Variants in CNTNAP2 observed in about 807,000 individuals in gnomAD.
CNTNAP2 encodes the protein contactin-associated protein-like 2.
CNTNAP2 carries 98 observed loss-of-function variants against 155.2 expected under a neutral mutation model. The observed-to-expected ratio is 0.63, with a 90% confidence interval of 0.54 to 0.75. CNTNAP2 has a LOEUF of 0.75. Among genes scored for constraint, CNTNAP2 ranks in the 30% least tolerant of loss-of-function variants. The pLI is 0.00. For synonymous variants in CNTNAP2, 651 were observed against 631.2 expected, an observed-to-expected ratio of 1.03 and a Z score of -0.47; for missense variants, 1,727 against 1,688.1, an observed-to-expected ratio of 1.02 and a Z score of -0.40.
intron 3 of CNTNAP2, among the ~76,000 whole-genome samples, chr7:146,949,301 A>G (rs538775205): frequency 3.3e-5 from 5 of 152,236 alleles, no homozygotes; most frequent in Admixed American, 6.5e-5. Context: ...CATTTCCCCT[A>G]TACGGAAACA....
rs532887990 is a variant in CNTNAP2 at position 146,679,258 on chromosome 7, A to T, written c.98-95013A>T. Among the ~76,000 whole-genome samples the T allele has an allele frequency of 9.2e-5, 14 of 151,474 alleles. No individual in the cohort carries two copies. In the East Asian group the frequency reaches 2.7e-3, roughly 30 times the overall value. ...TCCACTTACAAGTGAGAACAGAGGC[A>T]GTGTTTGGTTTTCTGTTCTTGTATT... On this transcript the variant is annotated intron_variant, in intron 1 of 23. Transcript: ENST00000361727.
At chr7:146,601,086 T>G (rs1030994102) in intron 1 of CNTNAP2, among the ~76,000 whole-genome samples, 6 of 152,138 alleles carry the variant, frequency 3.9e-5, no homozygotes, top group Admixed American at 1.3e-4. Flanking sequence ...TTTCCTTTTT[T>G]AAATATATCT....
intron 8 of CNTNAP2, among the ~76,000 whole-genome samples, chr7:147,149,955 G>A (rs1301388444): frequency 2.6e-5 from 4 of 152,194 alleles, no homozygotes; most frequent in African/African-American, 9.6e-5. Flanking sequence ...AGAAAGGTAG[G>A]AATCAAGACT....
rs533312395 is a variant in CNTNAP2, at chr7:147,510,237, C to A, written c.1777+24196C>A. Among the ~76,000 whole-genome samples the A allele has an allele frequency of 7.3e-4, 111 of 152,276 alleles. 1 individual carries two copies. The highest frequency in any genetic ancestry group is 1.1e-3 in the Non-Finnish European group (77 of 68,024). On this transcript the variant is annotated intron_variant, in intron 11 of 23. Coordinates refer to ENST00000361727, the MANE Select transcript of CNTNAP2 (RefSeq NM_014141.6). The stretch of plus-strand genomic sequence containing the variant: ...TTCTCTTCTTTGACTTCAAGTTCCC[C>A]AGACTCTGAGGGCTAAAACCCAGTA...
At chr7:146,722,216 A>G (rs774733380) in intron 1 of CNTNAP2, among the ~76,000 whole-genome samples, 3 of 151,720 alleles carry the variant, frequency 2.0e-5, no homozygotes, top group Non-Finnish European at 2.9e-5. Flanking sequence ...TTAAACGATA[A>G]GGTGCTCACT....
chr7:147,698,119 A>G (rs572011154), intron 13 of CNTNAP2, among the ~76,000 whole-genome samples: 1 of 152,212 alleles, frequency 6.6e-6, no homozygotes, highest in Admixed American at 6.5e-5. Flanking sequence ...CTATCTCTCC[A>G]ATGTTGCCCT....
intron 2 of CNTNAP2, among the ~76,000 whole-genome samples, chr7:146,783,778 C>G (rs190498987): frequency 2.6e-5 from 4 of 152,194 alleles, no homozygotes; most frequent in Non-Finnish European, 4.4e-5. Flanking sequence ...TATATACATA[C>G]AAGTTTCCAT....
At chr7:147,710,555 C>A (rs556565229) in intron 13 of CNTNAP2, among the ~76,000 whole-genome samples, 79 of 152,278 alleles carry the variant, frequency 5.2e-4, no homozygotes, top group African/African-American at 1.9e-3. Flanking sequence ...TAATTTGACT[C>A]TTTTTCCCTA....
At chr7:147,184,087 C>T (rs1802518478) in intron 8 of CNTNAP2, among the ~76,000 whole-genome samples, 4 of 152,150 alleles carry the variant, frequency 2.6e-5, no homozygotes, top group African/African-American at 9.7e-5. Flanking sequence ...AGTGACTATA[C>T]TTCCCAAATG....
chr7:148,177,455 G>A (rs534843576), intron 18 of CNTNAP2, among the ~76,000 whole-genome samples: 1 of 152,338 alleles, frequency 6.6e-6, no homozygotes, highest in Non-Finnish European at 1.5e-5. Flanking sequence ...TTTCGAAGAA[G>A]CGTAGCCCTG....
At chr7:146,809,688 T>G (rs1305228281) in intron 2 of CNTNAP2, among the ~76,000 whole-genome samples, 1 of 152,186 alleles carries the variant, frequency 6.6e-6, no homozygotes, top group African/African-American at 2.4e-5. Context: ...GTAAGTCTTC[T>G]TTGAAAATGT....
intron 12 of CNTNAP2, among the ~76,000 whole-genome samples, chr7:147,620,267 A>G (rs1257109228): frequency 6.6e-6 from 1 of 152,184 alleles, no homozygotes; most frequent in Non-Finnish European, 1.5e-5. Flanking sequence ...TTTAATGCCC[A>G]GACATCCAAG....
chr7:147,110,578 AT>A (rs1181877402), intron 5 of CNTNAP2, among the ~76,000 whole-genome samples: 3 of 152,086 alleles, frequency 2.0e-5, no homozygotes, highest in Non-Finnish European at 4.4e-5. Context: ...CTATGTGTCC[AT>A]ATGTTCTCAT....
intron 11 of CNTNAP2, among the ~76,000 whole-genome samples, chr7:147,533,168 GTTGTT>G (rs1400849174): frequency 6.6e-6 from 1 of 152,120 alleles, no homozygotes; most frequent in Non-Finnish European, 1.5e-5. Flanking sequence ...GTTTGGGGAT[GTTGTT>G]TTGTTTTATT....
chr7:146,481,903 T>C (rs1166175665), intron 1 of CNTNAP2, among the ~76,000 whole-genome samples: 2 of 152,088 alleles, frequency 1.3e-5, no homozygotes, highest in South Asian at 2.1e-4. Context: ...CAAGAATTTA[T>C]TGTAAGTGTC....
At chr7:147,360,253 T>C (rs1796125103) in intron 9 of CNTNAP2, among the ~76,000 whole-genome samples, 1 of 152,200 alleles carries the variant, frequency 6.6e-6, no homozygotes, top group Non-Finnish European at 1.5e-5. Context: ...TCTTCATCCT[T>C]GTGGTTCAGC....
At chr7:148,412,849 T>C (rs1015059521) in intron 23 of CNTNAP2, among the ~76,000 whole-genome samples, 2 of 152,214 alleles carry the variant, frequency 1.3e-5, no homozygotes, top group South Asian at 2.1e-4. Flanking sequence ...CTTTATCAGA[T>C]TGAGAAAGTT....
At chr7:146,315,757 T>G (rs1390863319) in intron 1 of CNTNAP2, among the ~76,000 whole-genome samples, 1 of 152,204 alleles carries the variant, frequency 6.6e-6, no homozygotes, top group Non-Finnish European at 1.5e-5. Flanking sequence ...TAGCCTTAGG[T>G]TAATTGCTAT....
chr7:147,161,114 G>A (rs995980624), intron 8 of CNTNAP2, among the ~76,000 whole-genome samples: 1 of 152,040 alleles, frequency 6.6e-6, no homozygotes, highest in African/African-American at 2.4e-5. Context: ...GAGATAATGA[G>A]GTCTCCCTAG....
Sources: gnomAD v4.1 joint callset for allele counts (sites outside exome capture counted in the v4.1 genomes callset) on GRCh38, gnomAD v4.1.1 for gene constraint, MANE v1.5 for transcripts, NCBI Gene and HGNC (gene_info 2026-07-23, HGNC 2026-07-21) for gene names.